CD247: variants seen among roughly 807,000 people sequenced by gnomAD.
CD247 encodes T-cell surface glycoprotein CD3 zeta chain.
In CD247, 13 loss-of-function variants were observed where a neutral mutation model predicts 30.0. The observed-to-expected ratio is 0.43, with a 90% confidence interval of 0.28 to 0.69. CD247 has a LOEUF of 0.69. Among genes scored for constraint, CD247 ranks in the 30% least tolerant of loss-of-function variants. The pLI, the probability that CD247 is intolerant of heterozygous loss-of-function variation, is 0.16. For missense variants in CD247, 193 were observed against 212.6 expected (o/e 0.91, Z 0.57); for synonymous variants, 72 against 80.0 (o/e 0.90, Z 0.53).
intron 1 of CD247, among the ~76,000 whole-genome samples, chr1:167,487,662 A>G (rs1654271788): frequency 6.6e-6 from 1 of 152,248 alleles, no homozygotes; most frequent in South Asian, 2.1e-4. Flanking sequence ...ATTTCATGAC[A>G]CAACAGCATT....
At chr1:167,488,665 A>G (rs1221440567) in intron 1 of CD247, among the ~76,000 whole-genome samples, 1 of 152,214 alleles carries the variant, frequency 6.6e-6, no homozygotes, top group Non-Finnish European at 1.5e-5. Flanking sequence ...AAGAAAGTAC[A>G]CAGATGGGCC....
At chr1:167,484,775 C>CA (rs1297481932) in intron 1 of CD247, among the ~76,000 whole-genome samples, 1 of 152,118 alleles carries the variant, frequency 6.6e-6, no homozygotes, top group Non-Finnish European at 1.5e-5. Context: ...GACTCTGTCT[C>CA]AAAAACAAAA....
chr1:167,469,884 C>T (rs1268019897), intron 1 of CD247, among the ~76,000 whole-genome samples: 1 of 151,760 alleles, frequency 6.6e-6, no homozygotes, highest in East Asian at 1.9e-4. Context: ...TTTGTGATTT[C>T]ATCTATTCAT....
chr1:167,461,439 A>G (rs1459676852), intron 1 of CD247, among the ~76,000 whole-genome samples: 2 of 152,234 alleles, frequency 1.3e-5, no homozygotes, highest in Admixed American at 6.5e-5. Context: ...AATTACAGCA[A>G]CTGTTAGCAG....
intron 1 of CD247, among the ~76,000 whole-genome samples, chr1:167,464,901 AAAAAAC>A (rs1335406586): frequency 2.0e-5 from 3 of 152,218 alleles, no homozygotes; most frequent in Non-Finnish European, 4.4e-5. Flanking sequence ...TGTGCTCTGT[AAAAAAC>A]AAAAACAAAA....
At chr1:167,480,134 T>C (rs1209572464) in intron 1 of CD247, among the ~76,000 whole-genome samples, 2 of 152,172 alleles carry the variant, frequency 1.3e-5, no homozygotes, top group Non-Finnish European at 2.9e-5. Flanking sequence ...ATAGTAGACC[T>C]GTGAGTTAAA....
At chr1:167,433,947 A>T (rs990935326) in intron 6 of CD247, 73 bp downstream of exon 6, 10 of 1,314,612 alleles carry the variant, frequency 7.6e-6, no homozygotes, top group Admixed American at 6.7e-5. Context: ...TGGATGGGAA[A>T]GGAGGCCTGC....
rs140138306 is a variant in CD247, at chr1:167,487,640, T to C, written c.58+30768A>G. Among the ~76,000 whole-genome samples the C allele has an allele frequency of 3.2e-3, 493 of 152,306 alleles. 14 individuals are homozygous for C. The highest frequency in any genetic ancestry group is 4.8e-3 in the East Asian group (25 of 5,190). On this transcript the variant is annotated intron_variant, in intron 1 of 7. Coordinates refer to ENST00000362089, the MANE Select transcript of CD247 (RefSeq NM_198053.3). ...GCACAACCCACCATTCCAACAACAC[T>C]AATTGAGTGCCATTTCATGACACAA...
At chr1:167,489,097 A>G (rs60107334) in intron 1 of CD247, among the ~76,000 whole-genome samples, 27,595 of 151,940 alleles carry the variant, frequency 0.18, 3,111 homozygotes, top group African/African-American at 0.34. Flanking sequence ...CAGACAAAAG[A>G]CTAATAAAAA....
At chr1:167,497,160 T>C (rs188812599) in intron 1 of CD247, among the ~76,000 whole-genome samples, 1 of 152,298 alleles carries the variant, frequency 6.6e-6, no homozygotes, top group East Asian at 1.9e-4. Flanking sequence ...ACATAGTTCA[T>C]GACAGGGAGA....
intron 1 of CD247, among the ~76,000 whole-genome samples, chr1:167,481,749 A>G (rs547208352): frequency 7.2e-5 from 11 of 152,336 alleles, no homozygotes; most frequent in African/African-American, 2.2e-4. Context: ...CATTTCCTCC[A>G]GGAAAAGCAG....
At chr1:167,469,954 C>T (rs573350855) in intron 1 of CD247, among the ~76,000 whole-genome samples, 2 of 152,194 alleles carry the variant, frequency 1.3e-5, no homozygotes, top group South Asian at 2.1e-4. Flanking sequence ...ACTCTCGTCA[C>T]CCAGGCTGGA....
intron 1 of CD247, among the ~76,000 whole-genome samples, chr1:167,451,082 A>G (rs1413542662): frequency 1.3e-5 from 2 of 151,908 alleles, no homozygotes; most frequent in Non-Finnish European, 2.9e-5. Context: ...GCAGAGGTGG[A>G]AAGGCTGTGT....
intron 1 of CD247, among the ~76,000 whole-genome samples, chr1:167,467,811 G>C (rs1653327494): frequency 1.3e-5 from 2 of 152,202 alleles, no homozygotes; most frequent in South Asian, 4.1e-4. Flanking sequence ...GTTTAATAAC[G>C]GTATGGTACT....
intron 1 of CD247, among the ~76,000 whole-genome samples, chr1:167,496,584 A>G (rs1472341330): frequency 6.6e-6 from 1 of 152,188 alleles, no homozygotes; most frequent in Admixed American, 6.5e-5. Context: ...GGCAGAGAGT[A>G]GGAAGAAGGA....
At chr1:167,449,266 C>A (rs1276760790) in intron 1 of CD247, among the ~76,000 whole-genome samples, 1 of 148,648 alleles carries the variant, frequency 6.7e-6, no homozygotes, top group Non-Finnish European at 1.5e-5. Context: ...GATTCTCCTG[C>A]CTCAGCCTCC....
intron 2 of CD247, 180 bp downstream of exon 2, chr1:167,440,484 A>G (rs1235812742): frequency 9.1e-6 from 6 of 656,058 alleles, no homozygotes; most frequent in Non-Finnish European, 1.7e-5. Flanking sequence ...CATCTCAGCC[A>G]GACACTGCCA....
Position 167,430,738 on chromosome 1 carries a change from C to G in CD247, c.*943G>C. ...AAAAAAGCAGAGTAGAGAGCGTTTT[C>G]CATCCATGGCCTGTGCCCTGTAATG... On this transcript the variant is annotated 3_prime_UTR_variant, in exon 8 of 8. Transcript: ENST00000362089. 2.5e-6 allele frequency: 1 copy of G among 398,704 alleles called. No homozygotes were observed. The highest frequency in any genetic ancestry group is 4.4e-6 in the Non-Finnish European group (1 of 226,082). 24.7% of individuals were successfully genotyped at this position (398,704 alleles called of 1,614,324 possible).
intron 1 of CD247, among the ~76,000 whole-genome samples, chr1:167,506,048 C>A (rs1460742608): frequency 1.3e-5 from 2 of 152,184 alleles, no homozygotes; most frequent in Non-Finnish European, 2.9e-5. Flanking sequence ...ATGGCAATTT[C>A]TTGATCTGTA....
Sources: allele counts gnomAD v4.1 joint callset (sites outside exome capture counted in the v4.1 genomes callset), GRCh38; gene constraint gnomAD v4.1.1; transcripts MANE v1.5; gene names NCBI Gene and HGNC (gene_info 2026-07-23, HGNC 2026-07-21).